The following GSE1 variants were observed in gnomAD, a reference collection of about 807,000 sequenced individuals.
The protein encoded by GSE1 is Gse1 coiled-coil protein.
GSE1 carries 32 observed loss-of-function variants against 112.6 expected under a neutral mutation model. The ratio of observed to expected loss-of-function variants is 0.28; its 90% CI spans 0.21 to 0.38. The LOEUF is 0.38. Among genes scored for constraint, GSE1 ranks in the 10% least tolerant of loss-of-function variants. The pLI is 1.00. For synonymous variants in GSE1, 1,115 were observed against 735.6 expected, an observed-to-expected ratio of 1.52 and a Z score of -8.35; for missense variants, 2,348 against 1,699.2, an observed-to-expected ratio of 1.38 and a Z score of -6.71.
chr16:85,188,007 C>T (rs776148842), intron 1 of GSE1, among the ~76,000 whole-genome samples: 3 of 152,342 alleles, frequency 2.0e-5, no homozygotes, highest in South Asian at 2.1e-4. Flanking sequence ...ACTCCTGGCA[C>T]GTCTCCCATG....
chr16:85,417,580 G>A (rs1446704296), intron 2 of GSE1, among the ~76,000 whole-genome samples: 2 of 152,230 alleles, frequency 1.3e-5, no homozygotes, highest in African/African-American at 2.4e-5. Flanking sequence ...CTGCATCAGC[G>A]GGTTAGGTGG....
intron 1 of GSE1, among the ~76,000 whole-genome samples, chr16:85,571,219 C>A (rs1329246403): frequency 1.3e-5 from 2 of 152,208 alleles, no homozygotes; most frequent in African/African-American, 4.8e-5. Flanking sequence ...CTTCCAAGGC[C>A]CGGGCGGCAT....
intron 1 of GSE1, among the ~76,000 whole-genome samples, chr16:85,333,267 C>A (rs2046413650): frequency 6.6e-6 from 1 of 152,132 alleles, no homozygotes. Context: ...GAAGGCCTCC[C>A]AGCTGATCCA....
chr16:85,295,665 G>A (rs1291537187), intron 1 of GSE1, among the ~76,000 whole-genome samples: 1 of 152,194 alleles, frequency 6.6e-6, no homozygotes, highest in African/African-American at 2.4e-5. Context: ...CCTCTTGCTG[G>A]GGCTGTCAAA....
intron 1 of GSE1, among the ~76,000 whole-genome samples, chr16:85,576,218 C>T (rs991746483): frequency 2.0e-5 from 3 of 152,244 alleles, no homozygotes; most frequent in East Asian, 1.9e-4. Flanking sequence ...TTTTATGGTG[C>T]GTCCTTAATA....
chr16:85,631,486 C>T (rs2049536008), intron 1 of GSE1, among the ~76,000 whole-genome samples: 1 of 152,238 alleles, frequency 6.6e-6, no homozygotes, highest in Admixed American at 6.5e-5. Context: ...CACCATGTGC[C>T]CTCCCCATTG....
At chr16:85,329,263 C>G (rs936959229) in intron 1 of GSE1, among the ~76,000 whole-genome samples, 4 of 152,174 alleles carry the variant, frequency 2.6e-5, no homozygotes, top group Admixed American at 1.3e-4. Context: ...GGGGTGGACG[C>G]TGGCTGCCTC....
At chr16:85,527,470 G>A (rs1312410567) in intron 2 of GSE1, among the ~76,000 whole-genome samples, 1 of 152,274 alleles carries the variant, frequency 6.6e-6, no homozygotes, top group East Asian at 1.9e-4. Flanking sequence ...GCCCAGAGCT[G>A]GGGCCAGAGC....
chr16:85,669,160 G>C (rs980829676), intron 14 of GSE1, among the ~76,000 whole-genome samples: 44 of 152,250 alleles, frequency 2.9e-4, no homozygotes, highest in African/African-American at 1.1e-3. Flanking sequence ...ATATTGCACA[G>C]GCCCCTTTGG....
intron 1 of GSE1, among the ~76,000 whole-genome samples, chr16:85,316,605 G>A: frequency 6.6e-6 from 1 of 152,226 alleles, no homozygotes; most frequent in East Asian, 1.9e-4. Context: ...GTAGGGGGCA[G>A]TGGAGGTCAG....
chr16:85,292,008 C>T (rs1186816839), intron 1 of GSE1, among the ~76,000 whole-genome samples: 1 of 152,330 alleles, frequency 6.6e-6, no homozygotes, highest in South Asian at 2.1e-4. Context: ...TCAGGAAATC[C>T]ACCCTCAGCA....
At chr16:85,302,380 C>T (rs1229801257) in intron 1 of GSE1, among the ~76,000 whole-genome samples, 1 of 152,044 alleles carries the variant, frequency 6.6e-6, no homozygotes, top group African/African-American at 2.4e-5. Context: ...TAAGCAAGGA[C>T]CCTAATGAAT....
At chr16:85,496,092 A>G (rs769455005) in intron 2 of GSE1, among the ~76,000 whole-genome samples, 1 of 152,170 alleles carries the variant, frequency 6.6e-6, no homozygotes, top group Non-Finnish European at 1.5e-5. Flanking sequence ...AGCACTCTGT[A>G]TGGGGGCACA....
chr16:85,243,534 C>T (rs967004573), intron 1 of GSE1, among the ~76,000 whole-genome samples: 1 of 152,220 alleles, frequency 6.6e-6, no homozygotes, highest in African/African-American at 2.4e-5. Context: ...TGCACATGCC[C>T]TCCTGGAAGG....
intron 2 of GSE1, among the ~76,000 whole-genome samples, chr16:85,540,983 C>A (rs1348484522): frequency 1.3e-5 from 2 of 152,056 alleles, no homozygotes. Flanking sequence ...GACATTCAGG[C>A]CACTTCGCCA....
In GSE1 at chr16:85,516,617, A is replaced by G. The variant is rs146220910; in HGVS notation, c.2465-117297A>G. 1.8e-3 allele frequency among the ~76,000 whole-genome samples: 271 copies of G among 151,176 alleles called. 1 individual carries two copies. The highest frequency in any genetic ancestry group is 6.5e-3 in the African/African-American group (266 of 41,166). ...AAAAAAAAAAAAAAAGATTTAAGAA[A>G]TTACCCGAGACTCAGTTTCCTCAGC... On this transcript the variant is annotated intron_variant, in intron 2 of 2. Coordinates refer to the GSE1 transcript ENST00000637419.
intron 1 of GSE1, among the ~76,000 whole-genome samples, chr16:85,355,021 C>T (rs998851589): frequency 9.9e-5 from 15 of 152,192 alleles, no homozygotes; most frequent in South Asian, 4.1e-4. Flanking sequence ...CAGCCTAAGC[C>T]GCCGGCATGC....
upstream of GSE1, among the ~76,000 whole-genome samples, chr16:85,610,382 TG>T (rs2047912786): frequency 6.6e-6 from 1 of 151,962 alleles, no homozygotes; most frequent in Non-Finnish European, 1.5e-5. Context: ...CGCGGGGCTG[TG>T]GGTAGGGCGC....
intron 1 of GSE1, among the ~76,000 whole-genome samples, chr16:85,236,673 A>C (rs1904698279): frequency 6.6e-6 from 1 of 152,330 alleles, no homozygotes; most frequent in Non-Finnish European, 1.5e-5. Flanking sequence ...TGGTTGAGTC[A>C]TAGGGAGCCA....
Sources: allele counts gnomAD v4.1 joint callset (sites outside exome capture counted in the v4.1 genomes callset), GRCh38; gene constraint gnomAD v4.1.1; transcripts MANE v1.5; gene names NCBI Gene and HGNC (gene_info 2026-07-23, HGNC 2026-07-21).